The following MYH10 variants were observed in gnomAD, a reference collection of about 807,000 sequenced individuals.
MYH10 encodes myosin-10.
Under a neutral mutation model 257.8 loss-of-function variants are expected in MYH10, and 55 were observed. That is an observed-to-expected ratio of 0.21 (90% CI 0.17 to 0.27). The LOEUF is 0.27. MYH10 is among the 10% of genes least tolerant of loss of function. The pLI is 1.00. For missense variants in MYH10, 1,631 were observed against 2,500.6 expected, an observed-to-expected ratio of 0.65 and a Z score of 7.42; for synonymous variants, 854 against 921.7, an observed-to-expected ratio of 0.93 and a Z score of 1.33.
chr17:8,561,312 G>A (rs2082985913), intron 7 of MYH10: 10 of 1,104,950 alleles, frequency 9.1e-6, no homozygotes, highest in South Asian at 1.2e-5. Flanking sequence ...AACTGTGCCC[G>A]ATGCATGCCC....
At chr17:8,543,593 C>A (rs1309960812) in intron 13 of MYH10, among the ~76,000 whole-genome samples, 1 of 151,844 alleles carries the variant, frequency 6.6e-6, no homozygotes, top group Non-Finnish European at 1.5e-5. Context: ...TCTGCCTCAG[C>A]CTTCGGAGTA....
intron 28 of MYH10, among the ~76,000 whole-genome samples, chr17:8,503,379 G>C (rs1015581829): frequency 6.6e-6 from 1 of 152,140 alleles, no homozygotes; most frequent in Non-Finnish European, 1.5e-5. Flanking sequence ...CTCTCTCTGG[G>C]TAAAAGCTGA....
chr17:8,582,095 G>C (rs764519561), intron 4 of MYH10, among the ~76,000 whole-genome samples: 12 of 152,180 alleles, frequency 7.9e-5, no homozygotes, highest in South Asian at 2.1e-4. Flanking sequence ...TGATGATGAA[G>C]ATGGTAATGG....
chr17:8,576,511 T>C, intron 6 of MYH10, 132 bp downstream of exon 6: 1 of 875,072 alleles, frequency 1.1e-6, no homozygotes, highest in Non-Finnish European at 1.8e-6. Context: ...AGCAATAAAT[T>C]TTCAAAATTA....
In MYH10 at chr17:8,506,064, T is replaced by C. The variant is rs962694151; in HGVS notation, c.3386+254A>G. 3 of 407,502 alleles carry C rather than the reference T, an allele frequency of 7.4e-6. No individual in the cohort carries two copies. Among genetic ancestry groups the C allele is most frequent in the South Asian group, 6.5e-5 (1 of 15,362 alleles). The allele number at this position is 407,502 out of a possible 1,614,324, so 25.2% of individuals were successfully genotyped here. A position where few individuals can be genotyped will look rare whatever the true frequency, so the allele number is the denominator to read the frequency against. On this transcript the variant is annotated intron_variant, in intron 27 of 42. Coordinates refer to ENST00000360416, the MANE Select transcript of MYH10 (RefSeq NM_001256012.3). This position sits in a 1 kb window ranked among gnomAD's most constrained non-coding sequence, Gnocchi z 5.0. The stretch of plus-strand genomic sequence containing the variant: ...TTTGTTATAGTGAAATAATTTGTTC[T>C]GGTGTGAATTTCCAAGGGTTTCATA...
Position 8,475,805 on chromosome 17 carries a change from T to C in MYH10, c.6023A>G (p.Ter2008=). Residue 2008 remains the stop codon, a stop_retained_variant, in exon 43 of 43, where the codon TAA becomes TGA. Transcript: ENST00000360416. ...TGCCTCCTCTGGCTTCCTGCAACTT[T>C]ACTCTGACTGGGGTGGCTGCGTCTC... The part of the protein sequence containing the change: ...VNETQPPQSE[*] The C allele has an allele frequency of 6.2e-7, 1 of 1,613,990 alleles. No individual in the cohort carries two copies. Among genetic ancestry groups the C allele is most frequent in the Non-Finnish European group, 8.5e-7 (1 of 1,179,892 alleles).
intron 4 of MYH10, among the ~76,000 whole-genome samples, chr17:8,585,258 ATGTG>A (rs1567941026): frequency 5.0e-5 from 5 of 99,818 alleles, no homozygotes; most frequent in African/African-American, 1.7e-4. Flanking sequence ...ATATCTATAT[ATGTG>A]TATATATATG....
chr17:8,492,829 G>T lies in MYH10; in HGVS notation c.4405C>A (p.His1469Asn). The change falls in exon 33 of 43, where the codon CAC becomes AAC. Residue 1469 changes from histidine to asparagine, a missense_variant. Transcript: ENST00000360416. ...AAGTTGGAGGCGACCTGGCGCTGGT[G>T]GTCCAGGTCCACCGTGAGGTCGTCC... ...ELDDLTVDLD[H>N]QRQVASNLEK... The T allele has an allele frequency of 6.2e-7, 1 of 1,613,996 alleles. No individual in the cohort carries two copies. The highest frequency in any genetic ancestry group is 8.5e-7 in the Non-Finnish European group (1 of 1,180,012).
At chr17:8,526,685 A>G (rs1597739098) in intron 17 of MYH10, among the ~76,000 whole-genome samples, 2 of 152,208 alleles carry the variant, frequency 1.3e-5, no homozygotes. Context: ...TGCCACCAAC[A>G]GTTTCATAGA....
chr17:8,490,126 G>A lies in MYH10; in HGVS notation c.4884+214C>T, dbSNP rs1241234087. The A allele has an allele frequency of 1.6e-5, 8 of 490,792 alleles. No individual in the cohort carries two copies. In the East Asian group the frequency reaches 1.9e-4, roughly 12 times the overall value. The allele number at this position is 490,792 out of a possible 1,614,324, so 30.4% of individuals were successfully genotyped here. On this transcript the variant is annotated intron_variant, in intron 35 of 42. Transcript: ENST00000360416. This position sits in a 1 kb window ranked among gnomAD's most constrained non-coding sequence, Gnocchi z 4.1. ...CTGACTGATAAGTGTCTGGCTTGTA[G>A]GCAGGAATGATACTGAGAAATAGTA...
At chr17:8,572,507 T>A (rs1452202851) in intron 6 of MYH10, among the ~76,000 whole-genome samples, 1 of 152,204 alleles carries the variant, frequency 6.6e-6, no homozygotes, top group Non-Finnish European at 1.5e-5. Context: ...AAACCTTTTT[T>A]TCTTAAATAG....
intron 34 of MYH10, among the ~76,000 whole-genome samples, chr17:8,491,674 G>C (rs1342159546): frequency 1.3e-5 from 2 of 152,234 alleles, no homozygotes; most frequent in African/African-American, 2.4e-5. Flanking sequence ...CTGTGGAGGA[G>C]CCAGGGAACC....
At chr17:8,514,374 G>A (rs1299712825) in intron 21 of MYH10, among the ~76,000 whole-genome samples, 3 of 152,080 alleles carry the variant, frequency 2.0e-5, no homozygotes, top group East Asian at 3.9e-4. Context: ...CCACTTTGCC[G>A]CAATGGAGCG....
Position 8,545,660 on chromosome 17 carries a change from C to A in MYH10, c.1279-60G>T, listed in dbSNP as rs1361388711. 6.4e-7 allele frequency: 1 copy of A among 1,554,818 alleles called. No individual in the cohort carries two copies. On this transcript the variant is annotated intron_variant, in intron 12 of 42. Coordinates refer to ENST00000360416, the MANE Select transcript of MYH10 (RefSeq NM_001256012.3). This position sits in a 1 kb window ranked among gnomAD's most constrained non-coding sequence, Gnocchi z 4.7. ...AACAATCTCAACAAAGCATAAATAG[C>A]TGTTTTACGGAATTTAATGTTATAC...
At chr17:8,528,245 A>G (rs2081910385) in intron 17 of MYH10, among the ~76,000 whole-genome samples, 1 of 152,180 alleles carries the variant, frequency 6.6e-6, no homozygotes, top group African/African-American at 2.4e-5. Flanking sequence ...CATGCTTTGG[A>G]TCAGGTCTAA....
At chr17:8,576,982 C>T (rs1381993298) in intron 5 of MYH10, among the ~76,000 whole-genome samples, 2 of 152,212 alleles carry the variant, frequency 1.3e-5, no homozygotes, top group East Asian at 3.8e-4. Flanking sequence ...CTCAGCAAAT[C>T]TTTGCAAGAA....
At chr17:8,629,779 C>T (rs1239232667) in intron 1 of MYH10, among the ~76,000 whole-genome samples, 1 of 152,002 alleles carries the variant, frequency 6.6e-6, no homozygotes, top group East Asian at 1.9e-4. Flanking sequence ...CGCGCCCCGC[C>T]ACATTTCCCG....
intron 26 of MYH10, among the ~76,000 whole-genome samples, chr17:8,507,944 C>T (rs1316051561): frequency 6.6e-6 from 1 of 151,956 alleles, no homozygotes; most frequent in African/African-American, 2.4e-5. Flanking sequence ...TGCACTCCAG[C>T]CTGGGCAACA....
chr17:8,580,125 T>C (rs1597882478), intron 4 of MYH10, among the ~76,000 whole-genome samples: 1 of 151,070 alleles, frequency 6.6e-6, no homozygotes, highest in South Asian at 2.1e-4. Context: ...AGACTTCACC[T>C]GAAAAAAAAA....
Sources: allele counts gnomAD v4.1 joint callset (sites outside exome capture counted in the v4.1 genomes callset), GRCh38; gene constraint gnomAD v4.1.1; non-coding constraint Gnocchi (gnomAD v3.1); transcripts MANE v1.5; gene names NCBI Gene and HGNC (gene_info 2026-07-23, HGNC 2026-07-21).